The following FRY variants were observed in gnomAD, a reference collection of about 807,000 sequenced individuals.
FRY encodes FRY microtubule binding protein.
In FRY, 128 loss-of-function variants were observed where a neutral mutation model predicts 348.4. That is an observed-to-expected ratio of 0.37 (90% CI 0.32 to 0.43). The LOEUF (loss-of-function observed/expected upper bound fraction) is 0.43, where lower values mean the gene tolerates loss of function less well. Ranked by LOEUF, FRY falls within the 20% of genes least tolerant of loss-of-function variation. FRY has a pLI of 1.00. For missense variants in FRY, 2,736 were observed against 3,695.2 expected, an observed-to-expected ratio of 0.74 and a Z score of 6.73; for synonymous variants, 1,370 against 1,374.7, an observed-to-expected ratio of 1.00 and a Z score of 0.08.
intron 2 of FRY, 117 bp from the exon 3 acceptor site, chr13:32,101,846 C>T (rs1052824289): frequency 1.8e-5 from 12 of 683,326 alleles, no homozygotes; most frequent in Non-Finnish European, 3.2e-5. Context: ...AAATTGGTGC[C>T]TCCTGATTCC....
chr13:32,120,611 C>T (rs138477960), intron 4 of FRY, among the ~76,000 whole-genome samples: 4,671 of 152,178 alleles, frequency 0.031, 253 homozygotes, highest in African/African-American at 0.11. Context: ...TTTTATCCCT[C>T]GCCCCACTCC....
At chr13:32,179,519 G>C (rs1006776524) in intron 22 of FRY, among the ~76,000 whole-genome samples, 156 bp from the exon 23 acceptor site, 2 of 151,556 alleles carry the variant, frequency 1.3e-5, no homozygotes, top group Non-Finnish European at 2.9e-5. Context: ...GTGTGTGTGT[G>C]TGTGTGTGTG....
chr13:32,287,893 A>T (rs775452745), intron 58 of FRY: 1 of 1,338,854 alleles, frequency 7.5e-7, no homozygotes, highest in Non-Finnish European at 1.0e-6. Context: ...CAGTAAGTTA[A>T]CTTTCTTTCA....
chr13:32,098,743 C>T (rs577506424), intron 2 of FRY, among the ~76,000 whole-genome samples: 97 of 152,030 alleles, frequency 6.4e-4, no homozygotes, highest in Non-Finnish European at 1.2e-3. Context: ...TCCACCCCGG[C>T]ATGTAGCATT....
chr13:32,138,381 AAAT>A (rs1283719170), intron 11 of FRY, among the ~76,000 whole-genome samples: 6 of 152,142 alleles, frequency 3.9e-5, no homozygotes, highest in Non-Finnish European at 7.3e-5. Flanking sequence ...CTTGGAATTA[AAAT>A]AATATTTTTC....
At chr13:32,127,581 T>C (rs1879097506) in intron 7 of FRY, among the ~76,000 whole-genome samples, 1 of 152,086 alleles carries the variant, frequency 6.6e-6, no homozygotes, top group Non-Finnish European at 1.5e-5. Flanking sequence ...ATCGAGACCA[T>C]CCTGGCTAAC....
chr13:32,256,529 G>T (rs1465549162), intron 51 of FRY, among the ~76,000 whole-genome samples: 5 of 150,428 alleles, frequency 3.3e-5, no homozygotes, highest in Admixed American at 6.6e-5. Context: ...GTGAGACCCT[G>T]TGTCCAAAAA....
At chr13:32,234,243 G>A (rs1453352891) in intron 41 of FRY, among the ~76,000 whole-genome samples, 1 of 151,160 alleles carries the variant, frequency 6.6e-6, no homozygotes, top group Non-Finnish European at 1.5e-5. Flanking sequence ...GCAACATAGT[G>A]AGACCCCATC....
intron 36 of FRY, among the ~76,000 whole-genome samples, chr13:32,222,799 G>A (rs1425798690): frequency 6.6e-6 from 1 of 152,170 alleles, no homozygotes; most frequent in African/African-American, 2.4e-5. Context: ...GCCAGTGCCT[G>A]GCATCAAGTA....
chr13:32,184,360 G>A (rs1882893498), intron 24 of FRY, among the ~76,000 whole-genome samples: 1 of 152,108 alleles, frequency 6.6e-6, no homozygotes, highest in Admixed American at 6.5e-5. Flanking sequence ...AATGAGGCTT[G>A]TTGGTTCTCA....
chr13:32,096,442 G>A (rs1022273524), intron 2 of FRY, among the ~76,000 whole-genome samples: 1 of 151,736 alleles, frequency 6.6e-6, no homozygotes, highest in Non-Finnish European at 1.5e-5. Flanking sequence ...AACTGCGGGG[G>A]GGGGCTTCAT....
chr13:32,289,896 G>A (rs532810047), intron 59 of FRY, among the ~76,000 whole-genome samples, 153 bp downstream of exon 59: 1 of 152,338 alleles, frequency 6.6e-6, no homozygotes, highest in East Asian at 1.9e-4. Flanking sequence ...TGTCTTGTAT[G>A]TATTTCTATT....
chr13:32,105,474 A>G (rs989162985), intron 3 of FRY, among the ~76,000 whole-genome samples: 27 of 152,216 alleles, frequency 1.8e-4, no homozygotes, highest in African/African-American at 6.3e-4. Flanking sequence ...TTCAACCAAC[A>G]AACTATAAGA....
chr13:32,281,541 T>C (rs1046040702), intron 58 of FRY, among the ~76,000 whole-genome samples: 4 of 152,242 alleles, frequency 2.6e-5, no homozygotes, highest in Non-Finnish European at 5.9e-5. Context: ...GGGCAAATTC[T>C]GAGTCTGGTG....
chr13:32,279,258 T>G (rs1326880811), intron 58 of FRY, among the ~76,000 whole-genome samples: 1 of 152,200 alleles, frequency 6.6e-6, no homozygotes, highest in Non-Finnish European at 1.5e-5. Context: ...AGGGCGGCTC[T>G]GGGAAGGGTT....
At chr13:32,236,311 CT>C in intron 43 of FRY, 139 bp downstream of exon 43, 1 of 656,570 alleles carries the variant, frequency 1.5e-6, no homozygotes, top group South Asian at 1.7e-5. Context: ...ATGTGTAATA[CT>C]TTCTTAAGTT....
intron 46 of FRY, 134 bp downstream of exon 46, chr13:32,240,015 C>A: frequency 1.4e-6 from 1 of 695,978 alleles, no homozygotes; most frequent in Admixed American, 2.7e-5. Context: ...GCCACCATTC[C>A]CTGCCAGAGG....
At chr13:32,244,433 G>T (rs1886671447) in intron 47 of FRY, among the ~76,000 whole-genome samples, 1 of 152,202 alleles carries the variant, frequency 6.6e-6, no homozygotes. Flanking sequence ...GGGGCCACAG[G>T]CTGAGTATTG....
intron 1 of FRY, among the ~76,000 whole-genome samples, chr13:32,074,118 A>G (rs2138509394): frequency 6.6e-6 from 1 of 152,338 alleles, no homozygotes; most frequent in East Asian, 1.9e-4. Flanking sequence ...TAATAAACGG[A>G]AAATGAATGG....
Sources: gnomAD v4.1 joint callset for allele counts (sites outside exome capture counted in the v4.1 genomes callset) on GRCh38, gnomAD v4.1.1 for gene constraint, MANE v1.5 for transcripts, NCBI Gene and HGNC (gene_info 2026-07-23, HGNC 2026-07-21) for gene names.